COL19A1: variants seen among roughly 807,000 people sequenced by gnomAD.
COL19A1 encodes collagen alpha-1(XIX) chain.
Under a neutral mutation model 190.2 loss-of-function variants are expected in COL19A1, and 159 were observed. That is an observed-to-expected ratio of 0.84 (90% CI 0.73 to 0.95). The LOEUF (loss-of-function observed/expected upper bound fraction) is 0.95. Among genes scored for constraint, COL19A1 ranks in the 40% least tolerant of loss-of-function variants. The pLI is 0.00. For synonymous variants in COL19A1, 509 were observed against 458.9 expected (o/e 1.11, Z -1.39); for missense variants, 1,418 against 1,431.9 (o/e 0.99, Z 0.16).
intron 12 of COL19A1, among the ~76,000 whole-genome samples, chr6:70,027,565 G>GTGTGTGTGTGTGTT (rs1778795732): frequency 6.6e-6 from 1 of 151,846 alleles, no homozygotes; most frequent in Admixed American, 6.6e-5. Flanking sequence ...AACTGTGTGT[G>GTGTGTGTGTGTGTT]TGTGTGTGTG....
rs146210436 is a variant in COL19A1 at position 70,183,375 on chromosome 6, T to C, written c.2776-1328T>C. ...AATCTCTGAAAGCAGGGCTGCCCTG[T>C]GGATAGAAAGTAACACCTTCCTATA... On this transcript the variant is annotated intron_variant, in intron 44 of 50. Transcript: ENST00000620364. 4.3e-3 allele frequency among the ~76,000 whole-genome samples: 654 copies of C among 152,302 alleles called. 6 individuals carry two copies. Among genetic ancestry groups the C allele is most frequent in the African/African-American group, 0.013 (536 of 41,556 alleles).
At chr6:70,167,994 G>T in intron 37 of COL19A1, 31 bp from the exon 38 acceptor site, 1 of 1,511,668 alleles carries the variant, frequency 6.6e-7, no homozygotes, top group South Asian at 1.2e-5. Context: ...TAACTTCCAA[G>T]AATAATTCTG....
chr6:69,958,283 A>G (rs1193137069), intron 9 of COL19A1, among the ~76,000 whole-genome samples: 2 of 152,188 alleles, frequency 1.3e-5, no homozygotes, highest in African/African-American at 4.8e-5. Flanking sequence ...GGCGTACTTT[A>G]ATGGATAATA....
intron 15 of COL19A1, among the ~76,000 whole-genome samples, chr6:70,095,365 A>G (rs1300193891): frequency 6.6e-6 from 1 of 152,204 alleles, no homozygotes; most frequent in Admixed American, 6.5e-5. Context: ...AAGGATGCAC[A>G]CTACATATTT....
At chr6:69,951,339 G>T (rs1031180584) in intron 9 of COL19A1, among the ~76,000 whole-genome samples, 2 of 151,854 alleles carry the variant, frequency 1.3e-5, no homozygotes, top group African/African-American at 2.4e-5. Flanking sequence ...TCATAAAAGT[G>T]TCAGCACCTG....
chr6:70,165,953 C>A lies in COL19A1; in HGVS notation c.2413C>A (p.Pro805Thr). 1 of 1,613,848 alleles carries A rather than the reference C, an allele frequency of 6.2e-7. No individual in the cohort carries two copies. The highest frequency in any genetic ancestry group is 1.1e-5 in the South Asian group (1 of 91,068). The change falls in exon 37 of 51, where the codon CCC becomes ACC. Residue 805 changes from proline (P) to threonine (T), a missense_variant. Transcript: ENST00000620364. ...GAKGEKGSDG[P>T]PGKPGPPGPP... ...ATATCCCTTGCAGGGCAGCGACGGA[C>A]CCCCTGGGAAACCCGGACCACCTGG...
chr6:70,206,869 G>A lies in COL19A1; in HGVS notation c.3224-32G>A, dbSNP rs750774927. ...GCTGTGTTGCCATAGAACCCTTTTT[G>A]TGTGTCTCTTTTTTATATATTTCTC... is the stretch of plus-strand genomic sequence containing the variant. On this transcript the variant is annotated intron_variant, in intron 49 of 50. Coordinates refer to ENST00000620364, the MANE Select transcript of COL19A1 (RefSeq NM_001858.6). 3.0e-5 allele frequency: 48 copies of A among 1,591,754 alleles called. No individual in the cohort carries two copies. In the South Asian group the frequency reaches 5.3e-4, roughly 18 times the overall value.
chr6:69,922,361 T>C (rs1365668265), intron 4 of COL19A1, among the ~76,000 whole-genome samples: 1 of 151,310 alleles, frequency 6.6e-6, no homozygotes, highest in African/African-American at 2.4e-5. Context: ...AATTGTTATA[T>C]ATAAATATTG....
chr6:70,035,994 T>C, intron 14 of COL19A1, 55 bp downstream of exon 14: 1 of 1,516,122 alleles, frequency 6.6e-7, no homozygotes, highest in South Asian at 1.1e-5. Context: ...CTGTTTATTA[T>C]CCATATTACA....
intron 14 of COL19A1, among the ~76,000 whole-genome samples, chr6:70,039,966 A>G (rs539353595): frequency 2.7e-5 from 4 of 150,700 alleles, no homozygotes; most frequent in South Asian, 2.1e-4. Flanking sequence ...AAGTCTTGCT[A>G]TGTTGCCTAG....
At chr6:69,939,500 T>A (rs543931568) in intron 9 of COL19A1, among the ~76,000 whole-genome samples, 1 of 152,266 alleles carries the variant, frequency 6.6e-6, no homozygotes, top group Admixed American at 6.5e-5. Flanking sequence ...AACTGGGATC[T>A]GAAACCAGTA....
chr6:69,973,785 T>A (rs1775563223), intron 11 of COL19A1: 3 of 152,238 alleles, frequency 2.0e-5, no homozygotes, highest in Non-Finnish European at 4.4e-5. Flanking sequence ...GGTAAAAAGA[T>A]AATTAATTCG....
At chr6:69,971,417 G>A (rs542092523) in intron 11 of COL19A1, among the ~76,000 whole-genome samples, 201 of 152,218 alleles carry the variant, frequency 1.3e-3, no homozygotes, top group Non-Finnish European at 2.3e-3. Context: ...ACAGGTGACC[G>A]ATAAAGAGGC....
chr6:69,989,625 T>C (rs1369299434), intron 11 of COL19A1, among the ~76,000 whole-genome samples: 2 of 149,410 alleles, frequency 1.3e-5, no homozygotes, highest in Non-Finnish European at 3.0e-5. Context: ...AGATAATTCT[T>C]CTTCCAATGT....
chr6:69,899,419 C>T (rs1770011557), intron 3 of COL19A1, among the ~76,000 whole-genome samples: 1 of 152,148 alleles, frequency 6.6e-6, no homozygotes, highest in Admixed American at 6.5e-5. Flanking sequence ...TCCCACAGTG[C>T]TGGGATTGCA....
In COL19A1 at chr6:69,962,836, G is replaced by A. The variant is rs1223670765; in HGVS notation, c.992G>A (p.Gly331Asp). The A allele has an allele frequency of 6.2e-7, 1 of 1,607,880 alleles. No homozygotes were observed. The highest frequency in any genetic ancestry group is 8.5e-7 in the Non-Finnish European group (1 of 1,176,222). The part of the protein sequence containing the change: ...PGFPGQKGEQ[G>D]FEGSKGETGE... ...ATTCCTCTTCTACAGGGAGAGCAAG[G>A]TTTTGAAGGCAGCAAAGGAGAAACT... Residue 331 changes from glycine (G) to aspartate (D), a missense_variant, in exon 11 of 51, where the codon GGT (glycine) becomes GAT (aspartate). By Grantham distance (94) the Gly-to-Asp change is moderately conservative. Coordinates refer to ENST00000620364, the MANE Select transcript of COL19A1 (RefSeq NM_001858.6).
intron 9 of COL19A1, among the ~76,000 whole-genome samples, chr6:69,948,179 G>T (rs937778907): frequency 9.2e-5 from 14 of 151,746 alleles, no homozygotes; most frequent in African/African-American, 3.4e-4. Flanking sequence ...AGGAGTTTTT[G>T]AATTATTCTG....
At chr6:70,052,178 G>C (rs1417242003) in intron 14 of COL19A1, among the ~76,000 whole-genome samples, 1 of 152,118 alleles carries the variant, frequency 6.6e-6, no homozygotes, top group African/African-American at 2.4e-5. Context: ...AGCTAACAGT[G>C]TACTAAACCA....
intron 4 of COL19A1, among the ~76,000 whole-genome samples, chr6:69,913,248 A>G (rs181025047): frequency 1.5e-3 from 234 of 152,254 alleles, no homozygotes; most frequent in Non-Finnish European, 2.2e-3. Context: ...TGTCATTATT[A>G]TTTCTACCTT....
Sources: gnomAD v4.1 joint callset for allele counts (sites outside exome capture counted in the v4.1 genomes callset) on GRCh38, gnomAD v4.1.1 for gene constraint, MANE v1.5 for transcripts, NCBI Gene and HGNC (gene_info 2026-07-23, HGNC 2026-07-21) for gene names.